GLS: variants seen among roughly 807,000 people sequenced by gnomAD.
GLS encodes glutaminase kidney isoform, mitochondrial.
Under a neutral mutation model 86.7 loss-of-function variants are expected in GLS, and 36 were observed. The ratio of observed to expected loss-of-function variants is 0.42; its 90% CI spans 0.32 to 0.55. GLS has a LOEUF of 0.55. Among genes scored for constraint, GLS ranks in the 20% least tolerant of loss-of-function variants. The pLI is 0.17. For synonymous variants in GLS, 317 were observed against 305.9 expected, an observed-to-expected ratio of 1.04 and a Z score of -0.38; for missense variants, 528 against 833.4, an observed-to-expected ratio of 0.63 and a Z score of 4.51.
chr2:190,941,498 A>G (rs1382966249), intron 14 of GLS, among the ~76,000 whole-genome samples: 3 of 152,124 alleles, frequency 2.0e-5, no homozygotes, highest in Non-Finnish European at 4.4e-5. Flanking sequence ...TCATTTCTTT[A>G]AAAAATATTT....
At position 190,921,233 on chromosome 2, in the gene GLS, TA is replaced by T; in HGVS notation, c.1130+35del. On this transcript the variant is annotated intron_variant, in intron 9 of 17. Transcript: ENST00000320717. This position sits in a 1 kb window ranked among gnomAD's most constrained non-coding sequence, Gnocchi z 4.2. ...GTGTTTTAAATACTGTTTTGTTACG[TA>T]AAAACACACAACTGTATTTAGAATT... 2 of 1,365,294 alleles carry T rather than the reference TA, an allele frequency of 1.5e-6. No homozygotes were observed. Among genetic ancestry groups the T allele is most frequent in the Non-Finnish European group, 1.0e-6 (1 of 953,910 alleles). The allele number at this position is 1,365,294 out of a possible 1,614,324, so 84.6% of individuals were successfully genotyped here.
chr2:190,932,986 A>G (rs1051265655), intron 14 of GLS: 201 of 1,219,132 alleles, frequency 1.6e-4, no homozygotes, highest in Non-Finnish European at 1.8e-4. Context: ...TGCTGGAGCC[A>G]TAAAGCTTTT....
rs528797055 is a variant in GLS, at chr2:190,947,045, A to T, written c.1651-6520A>T. Among the ~76,000 whole-genome samples, 15 of 152,330 alleles carry T rather than the reference A, an allele frequency of 9.8e-5. No homozygotes were observed. In the South Asian group the frequency reaches 3.1e-3, roughly 32 times the overall value. ...TTTAAAAACAACTATAACTGTTTAAAATGTTGAATGTTTTAGGGTCATCCA... is the reference window on the plus strand; with the variant it reads ...TTTAAAAACAACTATAACTGTTTAATATGTTGAATGTTTTAGGGTCATCCA... On this transcript the variant is annotated intron_variant, in intron 14 of 17. Transcript: ENST00000320717. The surrounding 1 kb of genome is among the most constrained non-coding windows in gnomAD (Gnocchi z 5.0).
In GLS at chr2:190,954,243, TTACTA is replaced by T. The variant is rs567331383; in HGVS notation, c.1713-338_1713-334del. On this transcript the variant is annotated intron_variant, in intron 15 of 17. Coordinates refer to ENST00000320717, the MANE Select transcript of GLS (RefSeq NM_014905.5). The surrounding 1 kb of genome is among the most constrained non-coding windows in gnomAD (Gnocchi z 4.0). ...GGGAGTCTTAGTAAAACATACAACTTTACTATAGGGATTAGTTTCTTGCCCTTATG... is the reference window on the plus strand; with the variant it reads ...GGGAGTCTTAGTAAAACATACAACTTTAGGGATTAGTTTCTTGCCCTTATG... 2.8e-4 allele frequency among the ~76,000 whole-genome samples: 42 copies of T among 152,234 alleles called. 1 individual carries two copies. The South Asian group carries it at 8.3e-3, about 30-fold the overall frequency.
Position 190,881,209 on chromosome 2 carries a change from G to T in GLS, c.125G>T (p.Gly42Val), listed in dbSNP as rs746848816. ...CTGTGCCGGCGTCCCCGAGGCGGGG[G>T]ACGGCCGGCCGCGGGCCCGGCTGCC... ...VTLCRRPRGG[G>V]RPAAGPAAAA... Residue 42 changes from glycine (G) to valine (V), a missense_variant, in exon 1 of 18, where the codon GGA becomes GTA. Physicochemically the swap from Gly to Val is moderately radical, Grantham distance 109 (BLOSUM62 -3). Around this residue, in one of 4 missense-constraint regions of GLS, gnomAD observed 224 missense variants for 187.9 expected, o/e 1.19. Transcript: ENST00000320717. 41 of 1,255,850 alleles carry T rather than the reference G, an allele frequency of 3.3e-5. No individual in the cohort carries two copies. The African/African-American group carries it at 5.5e-4, about 17-fold the overall frequency. The allele number at this position is 1,255,850 out of a possible 1,614,324, so 77.8% of individuals were successfully genotyped here. A position where few individuals can be genotyped will look rare whatever the true frequency, so the allele number is the denominator to read the frequency against.
At chr2:190,906,742 G>A (rs988692136) in intron 6 of GLS, among the ~76,000 whole-genome samples, 3 of 151,972 alleles carry the variant, frequency 2.0e-5, no homozygotes, top group Non-Finnish European at 2.9e-5. Flanking sequence ...TGAAGATCTC[G>A]TTCATATTTA....
At chr2:190,885,197 AT>A (rs11377483) in intron 1 of GLS, among the ~76,000 whole-genome samples, 23 of 147,728 alleles carry the variant, frequency 1.6e-4, no homozygotes, top group Non-Finnish European at 1.7e-4. Flanking sequence ...TGAAAATTGA[AT>A]TTTTTTTTTT....
rs3036653 is a variant in GLS at position 190,942,067 on chromosome 2, CTTTTTTTT to C, written c.1650+10453_1650+10460del. Reference sequence around the variant, plus strand: ...AGAGTTTAGTGTGAAACTTTGAAGACTTTTTTTTTTTTTTTTTTTTTTTTTTTTTTGAG... The same window carrying C: ...AGAGTTTAGTGTGAAACTTTGAAGACTTTTTTTTTTTTTTTTTTTTTTGAG... On this transcript the variant is annotated intron_variant, in intron 14 of 17. Coordinates refer to ENST00000320717, the MANE Select transcript of GLS (RefSeq NM_014905.5). Among the ~76,000 whole-genome samples the C allele has an allele frequency of 8.0e-3, 305 of 38,026 alleles. 2 individuals are homozygous for C. Among genetic ancestry groups the C allele is most frequent in the South Asian group, 0.035 (16 of 458 alleles). The allele number at this position is 38,026 out of a possible 152,430, so 24.9% of individuals were successfully genotyped here. A position where few individuals can be genotyped will look rare whatever the true frequency, so the allele number is the denominator to read the frequency against.
intron 14 of GLS, chr2:190,933,156 A>G: frequency 3.5e-6 from 3 of 848,768 alleles, no homozygotes; most frequent in Non-Finnish European, 4.3e-6. Context: ...CTATGTGGTC[A>G]GATAATCCCA....
Position 190,963,674 on chromosome 2 carries a change from T to C in GLS, c.*688T>C, listed in dbSNP as rs986995000. ...TATCCCCTTAGTCCAGCCTCTCTTC[T>C]CAGACATTTAGCTATCTGCCTCTTT... On this transcript the variant is annotated 3_prime_UTR_variant, in exon 18 of 18. Coordinates refer to ENST00000320717, the MANE Select transcript of GLS (RefSeq NM_014905.5). The C allele has an allele frequency of 6.6e-6, 1 of 152,666 alleles. No individual in the cohort carries two copies. The highest frequency in any genetic ancestry group is 1.5e-5 in the Non-Finnish European group (1 of 68,044). The allele number at this position is 152,666 out of a possible 1,614,324, so 9.5% of individuals were successfully genotyped here.
chr2:190,904,458 C>CT (rs1689062065), intron 5 of GLS, among the ~76,000 whole-genome samples: 1 of 152,060 alleles, frequency 6.6e-6, no homozygotes, highest in Non-Finnish European at 1.5e-5. Flanking sequence ...TACGTGAATA[C>CT]TTTCATGCTT....
intron 1 of GLS, among the ~76,000 whole-genome samples, chr2:190,887,023 T>C (rs1688405970): frequency 6.6e-6 from 1 of 152,162 alleles, no homozygotes; most frequent in Non-Finnish European, 1.5e-5. Context: ...AGCCTAATTA[T>C]AGAATTTGTG....
rs1342935285 is a variant in GLS, at chr2:190,913,997, G to C, written c.1038+3676G>C. ...TATAAAGCTAGGGTCTTGCCATATT[G>C]CCCAGGCTGGTCCCAAACTCCTGGC... is the stretch of plus-strand genomic sequence containing the variant. On this transcript the variant is annotated intron_variant, in intron 7 of 17. Coordinates refer to ENST00000320717, the MANE Select transcript of GLS (RefSeq NM_014905.5). The surrounding 1 kb of genome is among the most constrained non-coding windows in gnomAD (Gnocchi z 6.1). Among the ~76,000 whole-genome samples the C allele has an allele frequency of 2.0e-5, 3 of 152,020 alleles. No homozygotes were observed. The highest frequency in any genetic ancestry group is 7.2e-5 in the African/African-American group (3 of 41,386).
In GLS at chr2:190,938,620, T is replaced by G. The variant is rs1690341939; in HGVS notation, c.1650+6983T>G. Among the ~76,000 whole-genome samples the G allele has an allele frequency of 6.6e-6, 1 of 151,722 alleles. No homozygotes were observed. Among genetic ancestry groups the G allele is most frequent in the Admixed American group, 6.6e-5 (1 of 15,220 alleles). On this transcript the variant is annotated intron_variant, in intron 14 of 17. Coordinates refer to ENST00000320717, the MANE Select transcript of GLS (RefSeq NM_014905.5). The surrounding 1 kb of genome is among the most constrained non-coding windows in gnomAD (Gnocchi z 4.1). ...GTTTCCTAGCACTTTGCTTTTTCTA[T>G]TAGCATATTTAGATTTTTTTCTCTT...
chr2:190,911,408 C>T (rs1689355755), intron 7 of GLS, among the ~76,000 whole-genome samples: 1 of 152,048 alleles, frequency 6.6e-6, no homozygotes, highest in South Asian at 2.1e-4. Context: ...AAGGCAAATT[C>T]TTTGAAAGTA....
Position 190,963,128 on chromosome 2 carries a change from C to T in GLS, c.*142C>T. 3.3e-6 allele frequency: 2 copies of T among 600,318 alleles called. No homozygotes were observed. The highest frequency in any genetic ancestry group is 5.7e-6 in the Non-Finnish European group (2 of 352,916). 37.2% of individuals were successfully genotyped at this position (600,318 alleles called of 1,614,324 possible). On this transcript the variant is annotated 3_prime_UTR_variant, in exon 18 of 18. Coordinates refer to ENST00000320717, the MANE Select transcript of GLS (RefSeq NM_014905.5). Reference sequence around the variant, plus strand: ...TTACTGGAGTTTTCTTCATTGTGCACACAGGACAAATCTGATCTCTTTGGG... The same window carrying T: ...TTACTGGAGTTTTCTTCATTGTGCATACAGGACAAATCTGATCTCTTTGGG...
chr2:190,957,074 T>C (rs1690876452), intron 17 of GLS, among the ~76,000 whole-genome samples: 1 of 151,546 alleles, frequency 6.6e-6, no homozygotes, highest in African/African-American at 2.4e-5. Context: ...ACTTCCTCTC[T>C]TCCTATTTGA....
At position 190,880,977 on chromosome 2, in the gene GLS, TCTTCTGTCATCTCAC is replaced by T; in HGVS notation, c.-106_-92del. 4.7e-6 allele frequency: 6 copies of T among 1,289,482 alleles called. No homozygotes were observed. The highest frequency in any genetic ancestry group is 6.4e-6 in the Non-Finnish European group (6 of 933,600). The allele number at this position is 1,289,482 out of a possible 1,614,324, so 79.9% of individuals were successfully genotyped here. ...CCACACCCAAGTAGCTGCCCTTTCC[TCTTCTGTCATCTCAC>T]CGCCCCACCACAGACCGCGTTCCCC... On this transcript the variant is annotated 5_prime_UTR_variant, in exon 1 of 18. Coordinates refer to ENST00000320717, the MANE Select transcript of GLS (RefSeq NM_014905.5).
chr2:190,909,553 C>A (rs887713981), intron 6 of GLS, among the ~76,000 whole-genome samples: 2 of 151,908 alleles, frequency 1.3e-5, no homozygotes, highest in African/African-American at 4.8e-5. Flanking sequence ...TTTCACTGTC[C>A]CCAAGATTTT....
Sources: allele counts gnomAD v4.1 joint callset (sites outside exome capture counted in the v4.1 genomes callset), GRCh38; gene constraint gnomAD v4.1.1; regional missense constraint gnomAD v4.1.1; non-coding constraint Gnocchi (gnomAD v3.1); transcripts MANE v1.5; gene names NCBI Gene and HGNC (gene_info 2026-07-23, HGNC 2026-07-21).